The following ZSWIM7 variants were observed in gnomAD, a reference collection of about 807,000 sequenced individuals.
ZSWIM7 encodes the protein zinc finger SWIM-type containing 7.
In ZSWIM7, 22 loss-of-function variants were observed where a neutral mutation model predicts 21.1. The ratio of observed to expected loss-of-function variants is 1.04; its 90% CI spans 0.74 to 1.49. The LOEUF (loss-of-function observed/expected upper bound fraction) is 1.49. Ranked by LOEUF, ZSWIM7 falls within the 40% of genes most tolerant of loss-of-function variation. The pLI is 0.00. For synonymous variants in ZSWIM7, 67 were observed against 66.5 expected (o/e 1.01, Z -0.04); for missense variants, 193 against 168.0 (o/e 1.15, Z -0.82).
chr17:15,984,222 C>T (rs935874426), intron 3 of ZSWIM7, among the ~76,000 whole-genome samples: 2 of 152,216 alleles, frequency 1.3e-5, no homozygotes, highest in Admixed American at 6.5e-5. Context: ...ATTTGCTTTT[C>T]GCTTATCTAG....
rs544550869 is a variant in ZSWIM7, at chr17:15,996,082, A to C, written c.77-2304T>G. On this transcript the variant is annotated intron_variant, in intron 1 of 4. Coordinates refer to ENST00000399277, the MANE Select transcript of ZSWIM7 (RefSeq NM_001042697.2). ...ATCACTTAAGTGTAAGGGCAGAAAA[A>C]GAACTTTTTCAGCCGGGCGCGATGG... is the stretch of plus-strand genomic sequence containing the variant. Among the ~76,000 whole-genome samples, 5 of 152,346 alleles carry C rather than the reference A, an allele frequency of 3.3e-5. No homozygotes were observed. In the East Asian group the frequency reaches 9.6e-4, roughly 29 times the overall value.
In ZSWIM7 at chr17:15,993,796, A is replaced by G. The variant is rs1380313442; in HGVS notation, c.77-18T>C. ...ATCAGGAACTGTAAAATGAGAATGGAAAAAAAAAGTTAATCATATTAAGCA... is the reference window on the plus strand; with the variant it reads ...ATCAGGAACTGTAAAATGAGAATGGGAAAAAAAAGTTAATCATATTAAGCA... On this transcript the variant is annotated intron_variant, in intron 1 of 4. Coordinates refer to ENST00000399277, the MANE Select transcript of ZSWIM7 (RefSeq NM_001042697.2). 6.8e-6 allele frequency: 10 copies of G among 1,471,372 alleles called. No individual in the cohort carries two copies. Among genetic ancestry groups the G allele is most frequent in the African/African-American group, 2.8e-5 (2 of 71,010 alleles). The allele number at this position is 1,471,372 out of a possible 1,614,324, so 91.1% of individuals were successfully genotyped here. A position where few individuals can be genotyped will look rare whatever the true frequency, so the allele number is the denominator to read the frequency against.
chr17:15,986,680 TAAG>T (rs1970415442), intron 3 of ZSWIM7: 1 of 151,768 alleles, frequency 6.6e-6, no homozygotes, highest in Non-Finnish European at 1.5e-5. Flanking sequence ...AAGAGGAAGA[TAAG>T]GAGATATTGG....
intron 3 of ZSWIM7, among the ~76,000 whole-genome samples, chr17:15,984,730 A>G (rs1458025481): frequency 6.6e-6 from 1 of 152,222 alleles, no homozygotes; most frequent in Non-Finnish European, 1.5e-5. Flanking sequence ...CTGCTTTAGT[A>G]AAATCTGAGT....
intron 4 of ZSWIM7, among the ~76,000 whole-genome samples, chr17:15,978,961 T>A (rs568673046): frequency 2.7e-5 from 4 of 150,176 alleles, no homozygotes; most frequent in East Asian, 2.0e-4. Flanking sequence ...TTTTTTTTTT[T>A]AATTTTAATT....
At chr17:15,992,027 A>G (rs2151628977) in intron 2 of ZSWIM7, among the ~76,000 whole-genome samples, 1 of 151,884 alleles carries the variant, frequency 6.6e-6, no homozygotes, top group Admixed American at 6.6e-5. Context: ...CCTGGGTTCA[A>G]GCGATTCTCC....
chr17:15,978,640 GA>G (rs1970307912), intron 4 of ZSWIM7, among the ~76,000 whole-genome samples: 1 of 152,142 alleles, frequency 6.6e-6, no homozygotes, highest in African/African-American at 2.4e-5. Flanking sequence ...GATGAGACAG[GA>G]GTATTCTCTT....
chr17:15,981,732 T>C (rs1316718004), intron 3 of ZSWIM7, among the ~76,000 whole-genome samples: 2 of 151,836 alleles, frequency 1.3e-5, no homozygotes, highest in African/African-American at 4.8e-5. Flanking sequence ...GGCAACATGG[T>C]GAGACCTCGT....
intron 3 of ZSWIM7, among the ~76,000 whole-genome samples, chr17:15,981,443 T>C (rs1035243207): frequency 2.0e-5 from 3 of 148,126 alleles, no homozygotes; most frequent in African/African-American, 7.6e-5. Flanking sequence ...GCCCACTCTA[T>C]GGGCTGACTG....
Position 15,999,611 on chromosome 17 carries a change from C to A in ZSWIM7, c.-17G>T, listed in dbSNP as rs1387171708. On this transcript the variant is annotated 5_prime_UTR_variant, in exon 1 of 5. Coordinates refer to ENST00000399277, the MANE Select transcript of ZSWIM7 (RefSeq NM_001042697.2). ...TACGGCCATCGCGCCGCAGGACACG[C>A]CCTCCACGACCGGCGGACCGCCGCG... is the stretch of plus-strand genomic sequence containing the variant. The A allele has an allele frequency of 6.4e-7, 1 of 1,568,094 alleles. No homozygotes were observed. The highest frequency in any genetic ancestry group is 1.9e-5 in the Admixed American group (1 of 53,852).
At chr17:15,988,464 AGTTTAT>A (rs1970442653) in intron 2 of ZSWIM7, among the ~76,000 whole-genome samples, 1 of 152,074 alleles carries the variant, frequency 6.6e-6, no homozygotes, top group African/African-American at 2.4e-5. Flanking sequence ...ATCCCCCTTT[AGTTTAT>A]GTAACTAAAG....
chr17:15,999,506 C>T lies in ZSWIM7; in HGVS notation c.76+13G>A, dbSNP rs1003605385. On this transcript the variant is annotated intron_variant, in intron 1 of 4. Coordinates refer to ENST00000399277, the MANE Select transcript of ZSWIM7 (RefSeq NM_001042697.2). Reference sequence around the variant, plus strand: ...CGCCCATGGCGCAGCCACACACGACCTCGGTCCCGTACTTCGCGCGCTCTC... The same window carrying T: ...CGCCCATGGCGCAGCCACACACGACTTCGGTCCCGTACTTCGCGCGCTCTC... 12 of 1,597,714 alleles carry T rather than the reference C, an allele frequency of 7.5e-6. No homozygotes were observed. In the African/African-American group the frequency reaches 1.2e-4, roughly 16 times the overall value.
intron 1 of ZSWIM7, among the ~76,000 whole-genome samples, chr17:15,999,199 C>T (rs1004647688): frequency 2.0e-5 from 3 of 152,186 alleles, no homozygotes; most frequent in East Asian, 1.9e-4. Flanking sequence ...TCCCTTCCAC[C>T]CCCGGGCGGG....
At chr17:15,985,932 A>T (rs1051566211) in intron 3 of ZSWIM7, among the ~76,000 whole-genome samples, 1 of 152,238 alleles carries the variant, frequency 6.6e-6, no homozygotes, top group Non-Finnish European at 1.5e-5. Context: ...TCAGGTACAA[A>T]CTGCAAGTTC....
chr17:15,977,325 C>CCT lies in ZSWIM7; in HGVS notation c.*720_*721dup, dbSNP rs543535087. ...TCCTGGACCCAAGGAAAAGAACTGACCTACTCGTCGAAACTTCATCTTACT... is the reference window on the plus strand; with the variant it reads ...TCCTGGACCCAAGGAAAAGAACTGACCTCTACTCGTCGAAACTTCATCTTACT... On this transcript the variant is annotated 3_prime_UTR_variant, in exon 5 of 5. Transcript: ENST00000399277. The CCT allele has an allele frequency of 2.6e-5, 4 of 152,320 alleles. No individual in the cohort carries two copies. The East Asian group carries it at 7.7e-4, about 29-fold the overall frequency. The allele number at this position is 152,320 out of a possible 1,614,324, so 9.4% of individuals were successfully genotyped here. A position where few individuals can be genotyped will look rare whatever the true frequency, so the allele number is the denominator to read the frequency against.
chr17:15,992,278 G>A lies in ZSWIM7; in HGVS notation c.98+1479C>T, dbSNP rs886102554. On this transcript the variant is annotated intron_variant, in intron 2 of 4. Coordinates refer to ENST00000399277, the MANE Select transcript of ZSWIM7 (RefSeq NM_001042697.2). ...AGTAATTAAGTATTACTTATACCTA[G>A]GTAGCTTTTACTTTTTTGGTCTCTG... 2.0e-4 allele frequency among the ~76,000 whole-genome samples: 30 copies of A among 152,040 alleles called. 1 individual carries two copies. The highest frequency in any genetic ancestry group is 9.2e-4 in the Admixed American group (14 of 15,258).
intron 2 of ZSWIM7, among the ~76,000 whole-genome samples, chr17:15,989,432 C>T (rs2151626785): frequency 6.6e-6 from 1 of 151,918 alleles, no homozygotes; most frequent in South Asian, 2.1e-4. Flanking sequence ...ATTCTCCGGC[C>T]CAGCCTCCTG....
At chr17:15,992,692 GC>G (rs1970501506) in intron 2 of ZSWIM7, among the ~76,000 whole-genome samples, 1 of 151,966 alleles carries the variant, frequency 6.6e-6, no homozygotes. Context: ...GCCCGTCTCG[GC>G]CTCCCAAAAT....
intron 4 of ZSWIM7, 26 bp from the exon 5 acceptor site, chr17:15,978,189 T>A (rs1970303053): frequency 6.4e-7 from 1 of 1,574,620 alleles, no homozygotes; most frequent in Non-Finnish European, 8.7e-7. Context: ...CACACACCTA[T>A]TAGAAACAGG....
Sources: gnomAD v4.1 joint callset for allele counts (sites outside exome capture counted in the v4.1 genomes callset) on GRCh38, gnomAD v4.1.1 for gene constraint, MANE v1.5 for transcripts, NCBI Gene and HGNC (gene_info 2026-07-23, HGNC 2026-07-21) for gene names.